Variants in AEBP2 observed in about 807,000 individuals in gnomAD.
AEBP2 encodes the protein AE binding protein 2, also known as zinc finger protein AEBP2.
AEBP2 carries 10 observed loss-of-function variants against 50.8 expected under a neutral mutation model. That is an observed-to-expected ratio of 0.20 (90% confidence interval 0.12 to 0.33). AEBP2 has a LOEUF of 0.33. Ranked by LOEUF, AEBP2 falls within the 10% of genes least tolerant of loss-of-function variation. The pLI is 1.00. For synonymous variants in AEBP2, 296 were observed against 261.3 expected (o/e 1.13, Z -1.28); for missense variants, 570 against 688.0 (o/e 0.83, Z 1.92).
intron 2 of AEBP2, among the ~76,000 whole-genome samples, 166 bp downstream of exon 2, chr12:19,462,883 CAAAT>C (rs1450794138): frequency 1.3e-5 from 2 of 152,024 alleles, no homozygotes; most frequent in Non-Finnish European, 2.9e-5. Flanking sequence ...TTGATAGAAT[CAAAT>C]AAAAATAGGG....
chr12:19,474,372 T>C (rs1268057438), intron 3 of AEBP2, among the ~76,000 whole-genome samples: 1 of 152,224 alleles, frequency 6.6e-6, no homozygotes, highest in East Asian at 1.9e-4. Flanking sequence ...GAGAGTGAGG[T>C]AATTCTTGTG....
At chr12:19,433,892 G>C (rs2095752753) in intron 1 of AEBP2, among the ~76,000 whole-genome samples, 1 of 152,002 alleles carries the variant, frequency 6.6e-6, no homozygotes, top group Non-Finnish European at 1.5e-5. Flanking sequence ...TGTCACCTAG[G>C]CTGGAGTGTA....
At chr12:19,490,316 T>C (rs1262362134) in intron 3 of AEBP2, among the ~76,000 whole-genome samples, 1 of 152,172 alleles carries the variant, frequency 6.6e-6, no homozygotes, top group Non-Finnish European at 1.5e-5. Context: ...ATGTACGTAT[T>C]GAATGGTACA....
At chr12:19,424,626 G>A (rs1565697476) in intron 1 of AEBP2, among the ~76,000 whole-genome samples, 2 of 151,446 alleles carry the variant, frequency 1.3e-5, no homozygotes, top group African/African-American at 4.8e-5. Context: ...TCGATCTCCT[G>A]ACCTCATGAT....
chr12:19,462,383 A>G, intron 1 of AEBP2, 127 bp from the exon 2 acceptor site: 1 of 762,538 alleles, frequency 1.3e-6, no homozygotes, highest in African/African-American at 1.8e-5. Flanking sequence ...CTCATGGAGA[A>G]TATGGTTACT....
At chr12:19,413,858 A>G (rs557448680) in intron 1 of AEBP2, among the ~76,000 whole-genome samples, 2 of 151,636 alleles carry the variant, frequency 1.3e-5, no homozygotes, top group African/African-American at 4.8e-5. Flanking sequence ...TCCTTACTGC[A>G]ACCTATTTTA....
At chr12:19,466,456 A>G (rs577588346) in intron 2 of AEBP2, among the ~76,000 whole-genome samples, 2 of 152,336 alleles carry the variant, frequency 1.3e-5, no homozygotes, top group East Asian at 3.9e-4. Context: ...GTCTCAAAAA[A>G]AAGAACAAAA....
At chr12:19,449,841 C>G (rs1487966689) in intron 1 of AEBP2, among the ~76,000 whole-genome samples, 3 of 152,080 alleles carry the variant, frequency 2.0e-5, no homozygotes, top group Non-Finnish European at 4.4e-5. Context: ...TTAAGTTTCT[C>G]GCTAAAAATG....
intron 2 of AEBP2, among the ~76,000 whole-genome samples, chr12:19,463,993 C>T (rs1447273518): frequency 6.6e-6 from 1 of 152,144 alleles, no homozygotes; most frequent in Non-Finnish European, 1.5e-5. Flanking sequence ...ATATTCATCC[C>T]TGTCACAATA....
At chr12:19,497,622 A>C (rs1646005147) in intron 4 of AEBP2, among the ~76,000 whole-genome samples, 1 of 152,000 alleles carries the variant, frequency 6.6e-6, no homozygotes, top group Non-Finnish European at 1.5e-5. Context: ...ACCGGCACAC[A>C]CTACCATGCC....
At chr12:19,412,945 C>T (rs1330768217) in intron 1 of AEBP2, among the ~76,000 whole-genome samples, 4 of 152,202 alleles carry the variant, frequency 2.6e-5, no homozygotes, top group Admixed American at 6.5e-5. Flanking sequence ...GCCGCTTTCC[C>T]CGTCACGAGG....
Position 19,439,767 on chromosome 12 carries a change from G to C in AEBP2, c.68G>C (p.Gly23Ala), listed in dbSNP as rs928438825. The C allele has an allele frequency of 3.3e-6, 5 of 1,517,254 alleles. No homozygotes were observed. In the East Asian group the frequency reaches 8.0e-5, roughly 24 times the overall value. The allele number at this position is 1,517,254 out of a possible 1,614,324, so 94.0% of individuals were successfully genotyped here. Residue 23 changes from glycine (G) to alanine (A), a missense_variant, in exon 1 of 8, where the codon GGC (glycine) becomes GCC (alanine). This residue lies in a region of AEBP2 where 386 missense variants were observed against 336.8 expected (regional missense o/e 1.15). Transcript: ENST00000266508. The part of the protein sequence containing the change: ...ELSRLSPLPP[G>A]SPGSAARGRA... ...TCCCGCCTGAGCCCTCTGCCCCCCGGCAGCCCGGGTTCGGCGGCGCGGGGC... is the reference window on the plus strand; with the variant it reads ...TCCCGCCTGAGCCCTCTGCCCCCCGCCAGCCCGGGTTCGGCGGCGCGGGGC...
intron 1 of AEBP2, among the ~76,000 whole-genome samples, chr12:19,455,569 C>T (rs1350647547): frequency 2.0e-5 from 3 of 152,124 alleles, no homozygotes; most frequent in Admixed American, 1.3e-4. Context: ...GCCCTGGTCA[C>T]GTCCACCAAG....
rs142694658 is a variant in AEBP2 at position 19,464,300 on chromosome 12, A to C, written c.879+1583A>C. On this transcript the variant is annotated intron_variant, in intron 2 of 7. Transcript: ENST00000266508. ...GGCTTTTGTAGATCTGCTTTTTGTGAGCCAGTGCTTGATGTCACTTGGTAT... is the reference window on the plus strand; with the variant it reads ...GGCTTTTGTAGATCTGCTTTTTGTGCGCCAGTGCTTGATGTCACTTGGTAT... Among the ~76,000 whole-genome samples, 159 of 152,000 alleles carry C rather than the reference A, an allele frequency of 1.0e-3. 1 individual carries two copies. Among genetic ancestry groups the C allele is most frequent in the African/African-American group, 3.7e-3 (155 of 41,456 alleles).
chr12:19,423,166 A>G (rs1245531331), intron 1 of AEBP2, among the ~76,000 whole-genome samples: 3 of 149,284 alleles, frequency 2.0e-5, no homozygotes, highest in African/African-American at 7.4e-5. Flanking sequence ...CTATATGCCC[A>G]GTGCTAAGAG....
At chr12:19,456,833 C>T in intron 1 of AEBP2, 2 of 1,544,380 alleles carry the variant, frequency 1.3e-6, no homozygotes, top group South Asian at 2.2e-5. Context: ...CACCAGTCTC[C>T]ACTCGGCCAA....
At chr12:19,505,867 C>T (rs1182002147) in intron 5 of AEBP2, among the ~76,000 whole-genome samples, 1 of 152,080 alleles carries the variant, frequency 6.6e-6, no homozygotes, top group Non-Finnish European at 1.5e-5. Flanking sequence ...CCTCAAACTC[C>T]TGGGCTCAAG....
At chr12:19,442,553 A>G (rs1342891310) in intron 1 of AEBP2, among the ~76,000 whole-genome samples, 1 of 152,222 alleles carries the variant, frequency 6.6e-6, no homozygotes, top group Non-Finnish European at 1.5e-5. Context: ...TATTTACTTG[A>G]GTATATAATT....
chr12:19,433,739 G>T (rs887751528), intron 1 of AEBP2, among the ~76,000 whole-genome samples: 1 of 151,840 alleles, frequency 6.6e-6, no homozygotes, highest in African/African-American at 2.4e-5. Context: ...GCAGGTGGAG[G>T]TTGCAGTGAA....
Sources: gnomAD v4.1 joint callset for allele counts (sites outside exome capture counted in the v4.1 genomes callset) on GRCh38, gnomAD v4.1.1 for gene constraint, gnomAD v4.1.1 regional missense constraint, MANE v1.5 for transcripts, NCBI Gene and HGNC (gene_info 2026-07-23, HGNC 2026-07-21) for gene names.